Variants in PRKN observed in about 807,000 individuals in gnomAD.
The protein encoded by PRKN is parkin RBR E3 ubiquitin protein ligase.
In PRKN, 56 loss-of-function variants were observed where a neutral mutation model predicts 59.5. The ratio of observed to expected loss-of-function variants is 0.94; its 90% confidence interval spans 0.76 to 1.18. PRKN has a LOEUF of 1.18. Ranked by LOEUF, PRKN falls within the 50% of genes most tolerant of loss-of-function variation. The probability of loss-of-function intolerance (pLI) is 0.00; values close to 1 mark genes in which losing one functional copy is unlikely to be tolerated. For synonymous variants in PRKN, 250 were observed against 222.1 expected, an observed-to-expected ratio of 1.13 and a Z score of -1.12; for missense variants, 657 against 596.4, an observed-to-expected ratio of 1.10 and a Z score of -1.06.
At chr6:162,416,729 G>A (rs752292863) in intron 2 of PRKN, among the ~76,000 whole-genome samples, 1 of 151,398 alleles carries the variant, frequency 6.6e-6, no homozygotes, top group Non-Finnish European at 1.5e-5. Flanking sequence ...CCTACTTACT[G>A]ACACGTGATT....
At position 161,498,488 on chromosome 6, in the gene PRKN, G is replaced by A. The variant is rs984592649; in HGVS notation, c.1083+50366C>T. On this transcript the variant is annotated intron_variant, in intron 9 of 11. Transcript: ENST00000366898. The surrounding 1 kb of genome is among the most constrained non-coding windows in gnomAD (Gnocchi z 4.2). ...GCTCCCTTCTCCCTGAGAGCTTGTG[G>A]GAAGGGTGTGCTGTCCTAACCCAGT... 2.0e-5 allele frequency among the ~76,000 whole-genome samples: 3 copies of A among 152,148 alleles called. No homozygotes were observed. Among genetic ancestry groups the A allele is most frequent in the African/African-American group, 4.8e-5 (2 of 41,422 alleles).
chr6:161,900,930 T>TATA (rs1777894211), intron 6 of PRKN, among the ~76,000 whole-genome samples: 2 of 132,220 alleles, frequency 1.5e-5, no homozygotes, highest in Admixed American at 7.6e-5. Context: ...ATATATATAT[T>TATA]TTTTAGATGG....
intron 4 of PRKN, among the ~76,000 whole-genome samples, chr6:162,156,822 T>G (rs1005809322): frequency 1.3e-5 from 2 of 152,122 alleles, no homozygotes; most frequent in Non-Finnish European, 2.9e-5. Context: ...TCTCCCCCTT[T>G]GCACACAGGT....
At chr6:161,926,376 T>C (rs569386075) in intron 6 of PRKN, among the ~76,000 whole-genome samples, 15 of 152,340 alleles carry the variant, frequency 9.8e-5, no homozygotes, top group African/African-American at 3.6e-4. Context: ...CTGTCTGTTG[T>C]GGTTATTAGA....
chr6:162,462,232 CA>C, intron 1 of PRKN, among the ~76,000 whole-genome samples: 1 of 152,094 alleles, frequency 6.6e-6, no homozygotes, highest in Non-Finnish European at 1.5e-5. Context: ...CTGGCTATCA[CA>C]AAATTCAAAA....
chr6:161,716,430 T>C (rs1434200661), intron 7 of PRKN, among the ~76,000 whole-genome samples: 1 of 152,162 alleles, frequency 6.6e-6, no homozygotes, highest in Non-Finnish European at 1.5e-5. Flanking sequence ...AATTTGCTGC[T>C]GGTAGCTTCA....
chr6:162,371,598 A>G (rs370772192), intron 2 of PRKN, among the ~76,000 whole-genome samples: 1 of 152,208 alleles, frequency 6.6e-6, no homozygotes, highest in Non-Finnish European at 1.5e-5. Context: ...ACCAAATAAA[A>G]TAACACAATT....
intron 5 of PRKN, among the ~76,000 whole-genome samples, chr6:162,023,682 G>T (rs1783302943): frequency 6.6e-6 from 1 of 152,068 alleles, no homozygotes; most frequent in African/African-American, 2.4e-5. Flanking sequence ...CCCAGGATGG[G>T]GGTGTGGCGG....
At chr6:162,479,278 T>G (rs1259648755) in intron 1 of PRKN, among the ~76,000 whole-genome samples, 1 of 151,706 alleles carries the variant, frequency 6.6e-6, no homozygotes, top group Non-Finnish European at 1.5e-5. Flanking sequence ...CGGGTTGGAG[T>G]GCGGTGGTGT....
chr6:162,207,390 A>G (rs1197283612), intron 3 of PRKN, among the ~76,000 whole-genome samples: 1 of 152,098 alleles, frequency 6.6e-6, no homozygotes, highest in African/African-American at 2.4e-5. Flanking sequence ...AAAAAGAAAA[A>G]GATGGGGATA....
chr6:161,565,686 C>G (rs1350220251), intron 8 of PRKN, among the ~76,000 whole-genome samples: 2 of 152,162 alleles, frequency 1.3e-5, no homozygotes, highest in African/African-American at 4.8e-5. Flanking sequence ...AATTAAACCT[C>G]TTTCCTTTAT....
At chr6:162,503,754 C>A (rs933084102) in intron 1 of PRKN, among the ~76,000 whole-genome samples, 1 of 152,046 alleles carries the variant, frequency 6.6e-6, no homozygotes, top group East Asian at 1.9e-4. Context: ...CAGCTGAACT[C>A]GGAGGATCCG....
intron 3 of PRKN, among the ~76,000 whole-genome samples, chr6:162,244,810 T>G (rs1779134178): frequency 6.6e-6 from 1 of 152,104 alleles, no homozygotes; most frequent in Non-Finnish European, 1.5e-5. Flanking sequence ...GAATATGGAA[T>G]TTTGAATCAA....
At chr6:162,366,296 A>G (rs1053902856) in intron 2 of PRKN, among the ~76,000 whole-genome samples, 5 of 152,158 alleles carry the variant, frequency 3.3e-5, no homozygotes, top group Non-Finnish European at 7.4e-5. Flanking sequence ...ACAGAATGTC[A>G]TTCTAGTTTT....
intron 2 of PRKN, among the ~76,000 whole-genome samples, chr6:162,377,148 T>C (rs1054954245): frequency 6.6e-6 from 1 of 152,166 alleles, no homozygotes; most frequent in African/African-American, 2.4e-5. Context: ...TGTGCATCCA[T>C]ACAGTTAGCC....
At chr6:162,153,874 G>A (rs1039585458) in intron 4 of PRKN, among the ~76,000 whole-genome samples, 1 of 151,974 alleles carries the variant, frequency 6.6e-6, no homozygotes, top group African/African-American at 2.4e-5. Flanking sequence ...ATAGGCACAG[G>A]ATGGGGGTGA....
At chr6:161,645,243 CAAA>C (rs11343414) in intron 7 of PRKN, among the ~76,000 whole-genome samples, 14 of 133,996 alleles carry the variant, frequency 1.0e-4, no homozygotes, top group East Asian at 6.7e-4. Context: ...AATAAATAGC[CAAA>C]AAAAAAAAAA....
intron 1 of PRKN, among the ~76,000 whole-genome samples, chr6:162,587,421 C>T (rs2128213231): frequency 6.6e-6 from 1 of 152,200 alleles, no homozygotes; most frequent in Middle Eastern, 3.4e-3. Flanking sequence ...CAGGTGTGAG[C>T]CACCACGCCC....
At chr6:161,812,919 T>C (rs1471194243) in intron 6 of PRKN, among the ~76,000 whole-genome samples, 1 of 152,224 alleles carries the variant, frequency 6.6e-6, no homozygotes, top group Non-Finnish European at 1.5e-5. Context: ...TGAAAACATG[T>C]ATACACAAAG....
Sources: gnomAD v4.1 joint callset for allele counts (sites outside exome capture counted in the v4.1 genomes callset) on GRCh38, gnomAD v4.1.1 for gene constraint, Gnocchi (gnomAD v3.1) non-coding constraint, MANE v1.5 for transcripts, NCBI Gene and HGNC (gene_info 2026-07-23, HGNC 2026-07-21) for gene names.